PHLPP2: variants seen among roughly 807,000 people sequenced by gnomAD.
The protein encoded by PHLPP2 is PH domain leucine-rich repeat-containing protein phosphatase 2.
Under a neutral mutation model 124.9 loss-of-function variants are expected in PHLPP2, and 66 were observed. The ratio of observed to expected loss-of-function variants is 0.53; its 90% CI spans 0.43 to 0.65. The LOEUF (loss-of-function observed/expected upper bound fraction) is 0.65. Among genes scored for constraint, PHLPP2 ranks in the 30% least tolerant of loss-of-function variants. The pLI is 0.00. For synonymous variants in PHLPP2, 681 were observed against 624.7 expected, an observed-to-expected ratio of 1.09 and a Z score of -1.34; for missense variants, 1,685 against 1,600.4, an observed-to-expected ratio of 1.05 and a Z score of -0.90.
intron 4 of PHLPP2, among the ~76,000 whole-genome samples, chr16:71,686,937 T>G (rs1490852729): frequency 1.3e-5 from 2 of 152,242 alleles, no homozygotes; most frequent in African/African-American, 4.8e-5. Context: ...TGTTCATTTC[T>G]TTTGGATAAA....
chr16:71,693,241 C>T (rs920572153), intron 3 of PHLPP2, among the ~76,000 whole-genome samples: 3 of 152,136 alleles, frequency 2.0e-5, no homozygotes, highest in African/African-American at 4.8e-5. Flanking sequence ...GAGCTGAGAT[C>T]GCACCATTGC....
chr16:71,697,401 C>T, intron 3 of PHLPP2, among the ~76,000 whole-genome samples: 1 of 152,032 alleles, frequency 6.6e-6, no homozygotes. Flanking sequence ...AAAATTTTGT[C>T]ACATGTACAC....
Position 71,690,671 on chromosome 16 carries a change from A to G in PHLPP2, c.457T>C (p.Leu153=). ...TTGCGTACATTATAGATGCCAGACAATAGGATTCGATCCAAACGATCCATG... is the reference window on the plus strand; with the variant it reads ...TTGCGTACATTATAGATGCCAGACAGTAGGATTCGATCCAAACGATCCATG... The part of the protein sequence containing the change: ...CHMDRLDRIL[L]SGIYNVRKGK... Residue 153 remains leucine (L), a synonymous_variant, in exon 4 of 19, where the codon TTG becomes CTG. Transcript: ENST00000568954. 6.2e-7 allele frequency: 1 copy of G among 1,613,446 alleles called. No homozygotes were observed. Among genetic ancestry groups the G allele is most frequent in the Non-Finnish European group, 8.5e-7 (1 of 1,179,696 alleles).
intron 3 of PHLPP2, among the ~76,000 whole-genome samples, chr16:71,692,512 C>T (rs1415678406): frequency 1.3e-5 from 2 of 152,060 alleles, no homozygotes; most frequent in East Asian, 1.9e-4. Context: ...TACTTCAAAG[C>T]CTTAAAATTG....
rs1324795177 is a variant in PHLPP2, at chr16:71,646,862, G to A, written c.*2028C>T. 6.6e-6 allele frequency: 1 copy of A among 152,080 alleles called. No individual in the cohort carries two copies. Among genetic ancestry groups the A allele is most frequent in the East Asian group, 1.9e-4 (1 of 5,194 alleles). 9.4% of individuals were successfully genotyped at this position (152,080 alleles called of 1,614,324 possible). On this transcript the variant is annotated 3_prime_UTR_variant, in exon 19 of 19. Transcript: ENST00000568954. ...AGCTGACCAGTAGTTTGACAATCTGGGGACTCAAGTTCAGATTCTCGAGGG... is the reference window on the plus strand; with the variant it reads ...AGCTGACCAGTAGTTTGACAATCTGAGGACTCAAGTTCAGATTCTCGAGGG...
At chr16:71,690,750 G>A (rs1323739854) in intron 3 of PHLPP2, 41 bp from the exon 4 acceptor site, 3 of 1,340,722 alleles carry the variant, frequency 2.2e-6, no homozygotes, top group South Asian at 2.5e-5. Context: ...CATTAAAGTA[G>A]TGTAAGAATA....
At chr16:71,686,475 G>A in intron 4 of PHLPP2, among the ~76,000 whole-genome samples, 1 of 151,900 alleles carries the variant, frequency 6.6e-6, no homozygotes, top group Non-Finnish European at 1.5e-5. Flanking sequence ...TGCCATGCCT[G>A]GCCTTGATTT....
intron 7 of PHLPP2, 67 bp downstream of exon 7, chr16:71,679,322 C>A: frequency 7.2e-7 from 1 of 1,382,398 alleles, no homozygotes; most frequent in South Asian, 1.2e-5. Context: ...ATACTACCTT[C>A]ATTCCAAACC....
chr16:71,678,631 C>T, intron 8 of PHLPP2, 124 bp downstream of exon 8: 1 of 641,816 alleles, frequency 1.6e-6, no homozygotes, highest in Non-Finnish European at 2.8e-6. Context: ...CAAAGTGAGA[C>T]CTTGTCTCAA....
Position 71,649,114 on chromosome 16 carries a change from C to G in PHLPP2, c.3748G>C (p.Asp1250His). The G allele has an allele frequency of 6.2e-7, 1 of 1,614,134 alleles. No homozygotes were observed. Among genetic ancestry groups the G allele is most frequent in the East Asian group, 2.2e-5 (1 of 44,874 alleles). ...LSNGSIVPLEDSLNLIEVATE... is the reference protein window; with the variant it reads ...LSNGSIVPLEHSLNLIEVATE... ...GCCACTTCAATGAGGTTCAGGCTGT[C>G]CTCTAGGGGCACAATAGAGCCATTG... The change falls in exon 19 of 19, where the codon GAC becomes CAC. Residue 1250 changes from aspartate (D) to histidine (H), a missense_variant. By Grantham distance (81) the Asp-to-His change is moderately conservative (BLOSUM62 -1). Coordinates refer to ENST00000568954, the MANE Select transcript of PHLPP2 (RefSeq NM_015020.3).
intron 1 of PHLPP2, among the ~76,000 whole-genome samples, chr16:71,720,607 G>A (rs938182650): frequency 1.2e-4 from 19 of 152,254 alleles, no homozygotes; most frequent in African/African-American, 1.9e-4. Flanking sequence ...GCTCATGCCT[G>A]TAATCCCAGC....
intron 3 of PHLPP2, chr16:71,698,530 T>C (rs2045196971): frequency 2.9e-6 from 2 of 700,232 alleles, no homozygotes; most frequent in Admixed American, 3.5e-5. Context: ...AGACTGGGGA[T>C]AGCACAAAGT....
intron 1 of PHLPP2, chr16:71,723,593 G>C (rs1031978517): frequency 8.7e-5 from 24 of 275,094 alleles, no homozygotes; most frequent in Non-Finnish European, 1.5e-4. Context: ...CGGAGGCCTC[G>C]GCGTCCCCAG....
At chr16:71,664,319 C>T (rs1317747575) in intron 12 of PHLPP2, 10 of 577,634 alleles carry the variant, frequency 1.7e-5, no homozygotes, top group African/African-American at 1.5e-4. Context: ...AAAGTACAAG[C>T]CTGGTTGTTT....
intron 11 of PHLPP2, 62 bp downstream of exon 11, chr16:71,669,213 T>A: frequency 8.4e-7 from 1 of 1,197,070 alleles, no homozygotes; most frequent in South Asian, 1.3e-5. Flanking sequence ...TAGAAAAAAA[T>A]TTAAATACGC....
At chr16:71,658,949 G>A (rs779211225) in intron 13 of PHLPP2, 134 bp from the exon 14 acceptor site, 16 of 744,708 alleles carry the variant, frequency 2.1e-5, no homozygotes, top group Admixed American at 7.2e-5. Flanking sequence ...AAATGAAACC[G>A]ATACCAGGAA....
At chr16:71,651,885 A>G (rs1243310305) in intron 18 of PHLPP2, among the ~76,000 whole-genome samples, 11 of 152,248 alleles carry the variant, frequency 7.2e-5, no homozygotes. Context: ...CACAAATATT[A>G]ACTCAAAACA....
chr16:71,649,674 T>C lies in PHLPP2; in HGVS notation c.3188A>G (p.Asp1063Gly), dbSNP rs1055612670. The C allele has an allele frequency of 1.2e-6, 2 of 1,614,012 alleles. No individual in the cohort carries two copies. The highest frequency in any genetic ancestry group is 1.3e-5 in the African/African-American group (1 of 74,934). ...VGFASTTTIKDAPKPATPSSS... is the reference protein window; with the variant it reads ...VGFASTTTIKGAPKPATPSSS... ...GGATGGAGTGGCTGGCTTAGGGGCA[T>C]CCTTGATAGTGGTGGTTGAAGCAAA... The change falls in exon 19 of 19, where the codon GAT becomes GGT. Residue 1063 changes from aspartate to glycine, a missense_variant. Transcript: ENST00000568954.
chr16:71,650,152 A>AT, intron 18 of PHLPP2, 108 bp from the exon 19 acceptor site: 3 of 748,800 alleles, frequency 4.0e-6, no homozygotes, highest in Non-Finnish European at 6.3e-6. Context: ...TTTATATATG[A>AT]TTTTTCCTAT....
Sources: gnomAD v4.1 joint callset for allele counts (sites outside exome capture counted in the v4.1 genomes callset) on GRCh38, gnomAD v4.1.1 for gene constraint, MANE v1.5 for transcripts, NCBI Gene and HGNC (gene_info 2026-07-23, HGNC 2026-07-21) for gene names.